The following DDX41 variants were observed in gnomAD, a reference collection of about 807,000 sequenced individuals.
DDX41 encodes the protein DEAD-box helicase 41.
DDX41 carries 50 observed loss-of-function variants against 78.8 expected under a neutral mutation model. The observed-to-expected ratio is 0.63, with a 90% CI of 0.51 to 0.80. The LOEUF (loss-of-function observed/expected upper bound fraction) is 0.80. Among genes scored for constraint, DDX41 ranks in the 30% least tolerant of loss-of-function variants. The pLI is 0.00. For synonymous variants in DDX41, 381 were observed against 321.5 expected, an observed-to-expected ratio of 1.19 and a Z score of -1.98; for missense variants, 633 against 849.2, an observed-to-expected ratio of 0.75 and a Z score of 3.16.
At position 177,514,583 on chromosome 5, in the gene DDX41, G is replaced by A. The variant is rs1358002253; in HGVS notation, c.935+118C>T. ...CCATTAGACTGGGAGCTCCTTGAGG[G>A]TCGCACTCACAGCAGCCCTCTGTGA... On this transcript the variant is annotated intron_variant, in intron 9 of 16. Transcript: ENST00000330503. The surrounding 1 kb of genome is among the most constrained non-coding windows in gnomAD (Gnocchi z 4.2). The A allele has an allele frequency of 3.6e-6, 5 of 1,385,380 alleles. 1 individual carries two copies. Among genetic ancestry groups the A allele is most frequent in the Admixed American group, 2.2e-5 (1 of 46,104 alleles). 85.8% of individuals were successfully genotyped at this position (1,385,380 alleles called of 1,614,324 possible). A position where few individuals can be genotyped will look rare whatever the true frequency, so the allele number is the denominator to read the frequency against.
In DDX41 at chr5:177,512,334, T is replaced by C; in HGVS notation, c.1609A>G (p.Asn537Asp). ...GTAACAGACTCACCACACGCTTTGT[T>C]GATGAAGGTAGTGGCGATGCCTGTG... is the stretch of plus-strand genomic sequence containing the variant. ...GNTGIATTFINKACDESVLMD... is the reference protein window; with the variant it reads ...GNTGIATTFIDKACDESVLMD... Residue 537 changes from asparagine to aspartate, a missense_variant, in exon 15 of 17, where the codon AAC (asparagine) becomes GAC (aspartate). This residue lies in a region of DDX41 where 185 missense variants were observed against 367.4 expected (regional missense o/e 0.50). Transcript: ENST00000330503. The C allele has an allele frequency of 6.2e-7, 1 of 1,613,940 alleles. No homozygotes were observed. The highest frequency in any genetic ancestry group is 8.5e-7 in the Non-Finnish European group (1 of 1,179,950).
In DDX41 at chr5:177,513,213, G is replaced by A. The variant is rs1761061124; in HGVS notation, c.1231-131C>T. 19 of 1,521,276 alleles carry A rather than the reference G, an allele frequency of 1.2e-5. No homozygotes were observed. The highest frequency in any genetic ancestry group is 1.9e-5 in the Admixed American group (1 of 52,318). The allele number at this position is 1,521,276 out of a possible 1,614,324, so 94.2% of individuals were successfully genotyped here. On this transcript the variant is annotated intron_variant, in intron 11 of 16. Coordinates refer to ENST00000330503, the MANE Select transcript of DDX41 (RefSeq NM_016222.4). This position sits in a 1 kb window ranked among gnomAD's most constrained non-coding sequence, Gnocchi z 4.6. Reference sequence around the variant, plus strand: ...CGCCAAGGGCTGGTGCCCTAAAAATGGCCCTGGTTAAGCGTCAGGGGCTTT... The same window carrying A: ...CGCCAAGGGCTGGTGCCCTAAAAATAGCCCTGGTTAAGCGTCAGGGGCTTT...
chr5:177,513,529 T>A lies in DDX41; in HGVS notation c.1099-45A>T, dbSNP rs1272134375. On this transcript the variant is annotated intron_variant, in intron 10 of 16. Coordinates refer to ENST00000330503, the MANE Select transcript of DDX41 (RefSeq NM_016222.4). This position sits in a 1 kb window ranked among gnomAD's most constrained non-coding sequence, Gnocchi z 4.6. ...CGACCAAGGGCACACAGGGCTGGGCTGAGGGGCATGGGGTCTGGGGAAGCT... is the reference window on the plus strand; with the variant it reads ...CGACCAAGGGCACACAGGGCTGGGCAGAGGGGCATGGGGTCTGGGGAAGCT... The A allele has an allele frequency of 6.2e-7, 1 of 1,613,652 alleles. No homozygotes were observed. The highest frequency in any genetic ancestry group is 8.5e-7 in the Non-Finnish European group (1 of 1,179,852).
chr5:177,516,429 G>C lies in DDX41; in HGVS notation c.157C>G (p.Arg53Gly), dbSNP rs745421135. The change falls in exon 3 of 17, where the codon CGA (arginine) becomes GGA (glycine). Residue 53 changes from arginine (R) to glycine (G), a missense_variant. Arg to Gly is a moderately radical substitution (Grantham distance 125, BLOSUM62 -2). Transcript: ENST00000330503. ...RQLLLQKLLQ[R>G]RRKGAAEEEQ... Reference sequence around the variant, plus strand: ...TCCTCCGCAGCTCCCTTGCGTCTTCGCTGCAGCAGCTTCTGGAGCTGAGGT... The same window carrying C: ...TCCTCCGCAGCTCCCTTGCGTCTTCCCTGCAGCAGCTTCTGGAGCTGAGGT... 1 of 1,613,676 alleles carries C rather than the reference G, an allele frequency of 6.2e-7. No individual in the cohort carries two copies. Among genetic ancestry groups the C allele is most frequent in the South Asian group, 1.1e-5 (1 of 91,080 alleles).
At position 177,513,674 on chromosome 5, in the gene DDX41, G is replaced by A. The variant is rs375796202; in HGVS notation, c.1098+11C>T. ...GCGGTGCAGGGTGCCCTGGCCGGGC[G>A]GGGGCGGCACCTTGAAGTAGGAGAA... is the stretch of plus-strand genomic sequence containing the variant. On this transcript the variant is annotated intron_variant, in intron 10 of 16. Coordinates refer to ENST00000330503, the MANE Select transcript of DDX41 (RefSeq NM_016222.4). The surrounding 1 kb of genome is among the most constrained non-coding windows in gnomAD (Gnocchi z 4.6). 1.5e-4 allele frequency: 236 copies of A among 1,612,888 alleles called. No homozygotes were observed. The highest frequency in any genetic ancestry group is 2.7e-4 in the Admixed American group (16 of 60,030).
rs1761080049 is a variant in DDX41 at position 177,513,512 on chromosome 5, G to C, written c.1099-28C>G. The C allele has an allele frequency of 6.2e-7, 1 of 1,613,990 alleles. No homozygotes were observed. The highest frequency in any genetic ancestry group is 8.5e-7 in the Non-Finnish European group (1 of 1,180,014). ...GAGGAAGAGGGGGGCTGCGACCAAG[G>C]GCACACAGGGCTGGGCTGAGGGGCA... On this transcript the variant is annotated intron_variant, in intron 10 of 16. Transcript: ENST00000330503. This position sits in a 1 kb window ranked among gnomAD's most constrained non-coding sequence, Gnocchi z 4.6.
chr5:177,516,917 A>T lies in DDX41; in HGVS notation c.27+2T>A. The T allele has an allele frequency of 6.2e-7, 1 of 1,612,698 alleles. No individual in the cohort carries two copies. The highest frequency in any genetic ancestry group is 1.1e-5 in the South Asian group (1 of 91,048). On this transcript the variant is annotated splice_donor_variant, in intron 1 of 16. Transcript: ENST00000330503. LOFTEE classifies it high-confidence loss of function. ...ACGCGCGGGGTCTCGCCTCTCTCCT[A>T]CCTTCCGTTCGGGTTCCGACTCCTC...
chr5:177,516,247 C>T (rs1219536861), intron 3 of DDX41, 41 bp downstream of exon 3: 1 of 1,614,050 alleles, frequency 6.2e-7, no homozygotes, highest in African/African-American at 1.3e-5. Context: ...GTACCAGGCT[C>T]AGCTTCTTCT....
At position 177,516,837 on chromosome 5, in the gene DDX41, T is replaced by C. The variant is rs2127438109; in HGVS notation, c.28-2A>G. 1 of 1,612,958 alleles carries C rather than the reference T, an allele frequency of 6.2e-7. No homozygotes were observed. The highest frequency in any genetic ancestry group is 1.7e-5 in the Admixed American group (1 of 60,012). ...AGGCACCTCGTCGGTGCGAGCCCGC[T>C]GCAAGCACACGCCAGTCAGGCACGG... On this transcript the variant is annotated splice_acceptor_variant, in intron 1 of 16. Transcript: ENST00000330503. LOFTEE classifies it high-confidence loss of function.
chr5:177,514,900 G>A lies in DDX41; in HGVS notation c.798+16C>T. 1 of 1,603,786 alleles carries A rather than the reference G, an allele frequency of 6.2e-7. No individual in the cohort carries two copies. The highest frequency in any genetic ancestry group is 8.5e-7 in the Non-Finnish European group (1 of 1,171,830). Reference sequence around the variant, plus strand: ...GCCCCAATCTCTGGCCTGCCCTCCAGGCCAGCCTATCTTACCGAGGGGCAG... The same window carrying A: ...GCCCCAATCTCTGGCCTGCCCTCCAAGCCAGCCTATCTTACCGAGGGGCAG... On this transcript the variant is annotated intron_variant, in intron 8 of 16. Transcript: ENST00000330503. This position sits in a 1 kb window ranked among gnomAD's most constrained non-coding sequence, Gnocchi z 4.2.
At chr5:177,512,061 C>T (rs771471042) in intron 16 of DDX41, 35 bp downstream of exon 16, 21 of 1,609,332 alleles carry the variant, frequency 1.3e-5, no homozygotes, top group South Asian at 7.7e-5. Flanking sequence ...TGCCACCTGC[C>T]GGCTGGGGAC....
In DDX41 at chr5:177,513,757, G is replaced by C. The variant is rs556677138; in HGVS notation, c.1026C>G (p.Ala342=). ...CGATCATGCGGTCAGCCTCGTCCAG[G>C]GCCAGGTAGCGACAGATGTCTAGGC... ...MVSLDICRYL[A]LDEADRMIDM... The change falls in exon 10 of 17, where the codon GCC becomes GCG. Residue 342 remains alanine, a synonymous_variant. Coordinates refer to ENST00000330503, the MANE Select transcript of DDX41 (RefSeq NM_016222.4). The surrounding 1 kb of genome is among the most constrained non-coding windows in gnomAD (Gnocchi z 4.6). 6.2e-6 allele frequency: 10 copies of C among 1,613,836 alleles called. No homozygotes were observed. In the East Asian group the frequency reaches 2.0e-4, roughly 32 times the overall value.
At chr5:177,516,558 T>C in intron 2 of DDX41, 111 bp from the exon 3 acceptor site, 1 of 1,449,202 alleles carries the variant, frequency 6.9e-7, no homozygotes, top group Non-Finnish European at 9.5e-7. Context: ...AAAGCTGCCC[T>C]ACCCCTCAGA....
chr5:177,515,628 T>C, intron 6 of DDX41, 57 bp downstream of exon 6: 3 of 1,597,276 alleles, frequency 1.9e-6, no homozygotes, highest in Non-Finnish European at 2.6e-6. Flanking sequence ...AGCCAGGACA[T>C]AACCTCACAG....
In DDX41 at chr5:177,514,916, C is replaced by T. The variant is rs750013130; in HGVS notation, c.798G>A (p.Ser266=). The change falls in exon 8 of 17, where the codon TCG becomes TCA. Residue 266 remains serine, a splice_region_variant and synonymous_variant. Coordinates refer to ENST00000330503, the MANE Select transcript of DDX41 (RefSeq NM_016222.4). This position sits in a 1 kb window ranked among gnomAD's most constrained non-coding sequence, Gnocchi z 4.2. ...TGCCCTCCAGGCCAGCCTATCTTAC[C>T]GAGGGGCAGATGATGAGTCCATAGG... ...EGPYGLIICP[S]RELARQTHGI... is the part of the protein sequence containing the mutation. 1.2e-5 allele frequency: 19 copies of T among 1,603,506 alleles called. No homozygotes were observed. The highest frequency in any genetic ancestry group is 2.2e-5 in the East Asian group (1 of 44,566).
At position 177,515,732 on chromosome 5, in the gene DDX41, C is replaced by A; in HGVS notation, c.524G>T (p.Gly175Val). Reference sequence around the variant, plus strand: ...GAAGCTCTTGATGGGTGGTGGGATACCGTCTCCCTCCACCAGGATGTGGTA... The same window carrying A: ...GAAGCTCTTGATGGGTGGTGGGATAACGTCTCCCTCCACCAGGATGTGGTA... ...KKYHILVEGD[G>V]IPPPIKSFKE... is the part of the protein sequence containing the mutation. Residue 175 changes from glycine to valine, a missense_variant, in exon 6 of 17, where the codon GGT becomes GTT. Transcript: ENST00000330503. The A allele has an allele frequency of 6.2e-7, 1 of 1,614,136 alleles. No homozygotes were observed. The highest frequency in any genetic ancestry group is 8.5e-7 in the Non-Finnish European group (1 of 1,180,042).
At chr5:177,515,536 C>T (rs1055032090) in intron 6 of DDX41, 149 bp downstream of exon 6, 1 of 1,050,414 alleles carries the variant, frequency 9.5e-7, no homozygotes, top group African/African-American at 1.6e-5. Context: ...GCTGAGGCAA[C>T]AAGGAACCTA....
Position 177,514,562 on chromosome 5 carries a change from T to TA in DDX41, c.935+138dup. ...GTCCTCCCCCAACTAACCTCCCCAT[T>TA]AGACTGGGAGCTCCTTGAGGGTCGC... On this transcript the variant is annotated intron_variant, in intron 9 of 16. Transcript: ENST00000330503. The surrounding 1 kb of genome is among the most constrained non-coding windows in gnomAD (Gnocchi z 4.2). The TA allele has an allele frequency of 4.8e-6, 6 of 1,248,876 alleles. No homozygotes were observed. Among genetic ancestry groups the TA allele is most frequent in the South Asian group, 4.3e-5 (3 of 69,440 alleles). 77.4% of individuals were successfully genotyped at this position (1,248,876 alleles called of 1,614,324 possible). A position where few individuals can be genotyped will look rare whatever the true frequency, so the allele number is the denominator to read the frequency against.
At position 177,512,874 on chromosome 5, in the gene DDX41, T is replaced by C. The variant is rs752482452; in HGVS notation, c.1305A>G (p.Val435=). The C allele has an allele frequency of 2.5e-6, 4 of 1,613,810 alleles. No individual in the cohort carries two copies. Among genetic ancestry groups the C allele is most frequent in the South Asian group, 1.1e-5 (1 of 91,062 alleles). Reference sequence around the variant, plus strand: ...CTGCCTTCTTCTCTGCAAAGATGAGTACCTGTCCGGAAAGACCAACTCCAG... The same window carrying C: ...CTGCCTTCTTCTCTGCAAAGATGAGCACCTGTCCGGAAAGACCAACTCCAG... The part of the protein sequence containing the change: ...LECLQKTPPP[V]LIFAEKKADV... Residue 435 remains valine, a splice_region_variant and synonymous_variant, in exon 13 of 17, where the codon GTA becomes GTG. Transcript: ENST00000330503.
Sources: gnomAD v4.1 joint callset for allele counts on GRCh38, gnomAD v4.1.1 for gene constraint, gnomAD v4.1.1 regional missense constraint, Gnocchi (gnomAD v3.1) non-coding constraint, MANE v1.5 for transcripts, NCBI Gene and HGNC (gene_info 2026-07-23, HGNC 2026-07-21) for gene names.